Variants in ATP6V1G3 observed in about 807,000 individuals in gnomAD.
ATP6V1G3 encodes the protein V-type proton ATPase subunit G 3.
A neutral mutation model predicts 9.3 loss-of-function variants in ATP6V1G3; 9 were observed. That is an observed-to-expected ratio of 0.97 (90% CI 0.59 to 1.69). The LOEUF (loss-of-function observed/expected upper bound fraction) is 1.69. ATP6V1G3 is among the 40% of genes most tolerant of loss of function. The pLI is 0.00. For missense variants in ATP6V1G3, 133 were observed against 139.0 expected (o/e 0.96, Z 0.22); for synonymous variants, 43 against 43.8 (o/e 0.98, Z 0.07).
At chr1:198,533,200 A>T (rs1296557321) in intron 1 of ATP6V1G3, among the ~76,000 whole-genome samples, 2 of 151,788 alleles carry the variant, frequency 1.3e-5, no homozygotes, top group Non-Finnish European at 2.9e-5. Flanking sequence ...GCTATTTGGG[A>T]GGCTGAGGCA....
intron 2 of ATP6V1G3, among the ~76,000 whole-genome samples, chr1:198,527,565 T>A (rs1414380173): frequency 6.6e-6 from 1 of 152,172 alleles, no homozygotes; most frequent in Non-Finnish European, 1.5e-5. Context: ...AGCTGAATAA[T>A]GTTAAAGATG....
At chr1:198,536,571 A>G in intron 1 of ATP6V1G3, 1 of 921,302 alleles carries the variant, frequency 1.1e-6, no homozygotes, top group Non-Finnish European at 1.6e-6. Flanking sequence ...ATTCAACCAA[A>G]ATAGTAAGGC....
intron 2 of ATP6V1G3, among the ~76,000 whole-genome samples, chr1:198,526,185 G>C (rs1309863276): frequency 6.6e-6 from 1 of 152,022 alleles, no homozygotes; most frequent in African/African-American, 2.4e-5. Flanking sequence ...ATTTTAAATG[G>C]TTTTCCTAGG....
intron 1 of ATP6V1G3, among the ~76,000 whole-genome samples, chr1:198,530,014 C>T (rs938817077): frequency 1.3e-5 from 2 of 152,036 alleles, no homozygotes; most frequent in Non-Finnish European, 2.9e-5. Context: ...GGGGGGGTTA[C>T]AGACAAATAT....
chr1:198,535,060 A>T (rs750729660), intron 1 of ATP6V1G3, among the ~76,000 whole-genome samples: 94 of 152,178 alleles, frequency 6.2e-4, no homozygotes, highest in Non-Finnish European at 1.1e-3. Flanking sequence ...TTTCCTTATT[A>T]AAAATACAAT....
intron 1 of ATP6V1G3, among the ~76,000 whole-genome samples, chr1:198,539,978 G>C (rs1660279929): frequency 6.6e-6 from 1 of 152,166 alleles, no homozygotes; most frequent in South Asian, 2.1e-4. Flanking sequence ...CAGCTACTTG[G>C]CAGGCTGAGG....
Position 198,523,299 on chromosome 1 carries a change from C to A in ATP6V1G3, c.*92G>T. ...CCTGTAAATGTAAATTTAAGGTTCT[C>A]ATTTCAAATTTCTCAACATAAAAAT... is the stretch of plus-strand genomic sequence containing the variant. On this transcript the variant is annotated 3_prime_UTR_variant, in exon 3 of 3. Coordinates refer to ENST00000367382, the MANE Select transcript of ATP6V1G3 (RefSeq NM_001376861.1). 1 of 1,257,224 alleles carries A rather than the reference C, an allele frequency of 8.0e-7. No homozygotes were observed. Among genetic ancestry groups the A allele is most frequent in the East Asian group, 2.5e-5 (1 of 39,916 alleles). 77.9% of individuals were successfully genotyped at this position (1,257,224 alleles called of 1,614,324 possible).
chr1:198,529,233 T>C (rs557882593), intron 1 of ATP6V1G3, 52 bp from the exon 2 acceptor site: 2 of 399,422 alleles, frequency 5.0e-6, no homozygotes, highest in South Asian at 1.9e-4. Context: ...TATATCAATA[T>C]ATAAATATTT....
chr1:198,536,693 GTC>G, intron 1 of ATP6V1G3: 1 of 1,606,232 alleles, frequency 6.2e-7, no homozygotes, highest in Non-Finnish European at 8.5e-7. Flanking sequence ...AGCAGTCCCA[GTC>G]TCTTCGTTTT....
intron 2 of ATP6V1G3, among the ~76,000 whole-genome samples, chr1:198,528,419 T>C (rs1659751219): frequency 6.6e-6 from 1 of 152,130 alleles, no homozygotes; most frequent in African/African-American, 2.4e-5. Context: ...AATTTAGTTA[T>C]AATACATGGA....
intron 1 of ATP6V1G3, among the ~76,000 whole-genome samples, chr1:198,540,036 T>G (rs12024349): frequency 0.12 from 18,991 of 151,936 alleles, 2,306 homozygotes; most frequent in East Asian, 0.37. Flanking sequence ...CAGGGCAACA[T>G]AGTGAGACCC....
chr1:198,524,314 C>T (rs976162124), intron 2 of ATP6V1G3, among the ~76,000 whole-genome samples: 33 of 151,584 alleles, frequency 2.2e-4, no homozygotes, highest in African/African-American at 7.8e-4. Context: ...TAGTAGAGAC[C>T]GGGTTTCACT....
intron 1 of ATP6V1G3, among the ~76,000 whole-genome samples, chr1:198,534,955 T>C (rs953726210): frequency 2.0e-5 from 3 of 152,210 alleles, no homozygotes; most frequent in Non-Finnish European, 4.4e-5. Context: ...TCTCCTTTGG[T>C]GACTGTCACT....
chr1:198,531,437 T>A (rs113109926), intron 1 of ATP6V1G3, among the ~76,000 whole-genome samples: 1,618 of 152,300 alleles, frequency 0.011, 25 homozygotes, highest in African/African-American at 0.033. Context: ...ACATGGCTGC[T>A]GTGACCAAAA....
At chr1:198,535,893 C>T (rs1052175224) in intron 1 of ATP6V1G3, among the ~76,000 whole-genome samples, 1 of 152,144 alleles carries the variant, frequency 6.6e-6, no homozygotes, top group Admixed American at 6.5e-5. Context: ...TGGGAGAAAG[C>T]TAGAGCAGTG....
At chr1:198,531,549 A>T (rs536490740) in intron 1 of ATP6V1G3, among the ~76,000 whole-genome samples, 1 of 152,286 alleles carries the variant, frequency 6.6e-6, no homozygotes, top group East Asian at 1.9e-4. Context: ...GTCGGAGACA[A>T]AGGGTAATGC....
At chr1:198,539,449 A>G (rs1170189865) in intron 1 of ATP6V1G3, among the ~76,000 whole-genome samples, 1 of 152,224 alleles carries the variant, frequency 6.6e-6, no homozygotes, top group Non-Finnish European at 1.5e-5. Context: ...ACTACAAATT[A>G]TTGTAGATTG....
intron 2 of ATP6V1G3, among the ~76,000 whole-genome samples, chr1:198,528,004 T>C (rs908409061): frequency 7.9e-5 from 12 of 152,096 alleles, no homozygotes; most frequent in Non-Finnish European, 1.8e-4. Flanking sequence ...GGTAGGGGCA[T>C]GTTCTAGCTG....
chr1:198,524,566 T>C (rs997558655), intron 2 of ATP6V1G3, among the ~76,000 whole-genome samples: 8 of 152,232 alleles, frequency 5.3e-5, no homozygotes, highest in South Asian at 2.1e-4. Context: ...TGCTCTTTAA[T>C]TGGCAGTGAT....
Sources: allele counts gnomAD v4.1 joint callset (sites outside exome capture counted in the v4.1 genomes callset), GRCh38; gene constraint gnomAD v4.1.1; transcripts MANE v1.5; gene names NCBI Gene and HGNC (gene_info 2026-07-23, HGNC 2026-07-21).